The following GLI3 variants were observed in gnomAD, a reference collection of about 807,000 sequenced individuals.
GLI3 encodes the protein GLI family zinc finger 3, also known as transcription activator GLI3.
In GLI3, 20 loss-of-function variants were observed where a neutral mutation model predicts 100.8. That is an observed-to-expected ratio of 0.20 (90% CI 0.14 to 0.29). GLI3 has a LOEUF of 0.29. GLI3 is among the 10% of genes least tolerant of loss of function. The probability of loss-of-function intolerance (pLI) is 1.00; values close to 1 mark genes in which losing one functional copy is unlikely to be tolerated. For synonymous variants in GLI3, 938 were observed against 860.5 expected (o/e 1.09, Z -1.58); for missense variants, 2,040 against 2,128.5 (o/e 0.96, Z 0.82).
intron 3 of GLI3, among the ~76,000 whole-genome samples, chr7:42,089,897 T>C (rs1384703330): frequency 1.3e-5 from 2 of 152,156 alleles, no homozygotes; most frequent in Admixed American, 1.3e-4. Flanking sequence ...CTAAGAAATA[T>C]GTCTTTAGAT....
chr7:42,171,226 T>A (rs3801213), intron 2 of GLI3, among the ~76,000 whole-genome samples: 39 of 152,178 alleles, frequency 2.6e-4, no homozygotes, highest in Non-Finnish European at 4.6e-4. Context: ...TTTTCTATCA[T>A]ACAAGTCCAC....
At chr7:42,225,549 T>C (rs1258782078) in intron 1 of GLI3, among the ~76,000 whole-genome samples, 1 of 152,122 alleles carries the variant, frequency 6.6e-6, no homozygotes, top group Non-Finnish European at 1.5e-5. Context: ...TTACTAGAGA[T>C]GAGGTTTTGT....
chr7:42,164,883 T>G (rs570270430), intron 2 of GLI3, among the ~76,000 whole-genome samples: 11 of 139,042 alleles, frequency 7.9e-5, no homozygotes, highest in Non-Finnish European at 1.5e-4. Flanking sequence ...GGGTTTTGGT[T>G]TTTTTTTTTG....
rs1281362399 is a variant in GLI3, at chr7:41,962,893, A to AAGC, written c.*1434_*1436dup. 6 of 152,200 alleles carry AAGC rather than the reference A, an allele frequency of 3.9e-5. No homozygotes were observed. The highest frequency in any genetic ancestry group is 9.7e-5 in the African/African-American group (4 of 41,450). The allele number at this position is 152,200 out of a possible 1,614,324, so 9.4% of individuals were successfully genotyped here. A position where few individuals can be genotyped will look rare whatever the true frequency, so the allele number is the denominator to read the frequency against. ...TTTTAACAGTTTATATAATTTTTTAAAGCAATATGCTGGAAAATCCATGTA... is the reference window on the plus strand; with the variant it reads ...TTTTAACAGTTTATATAATTTTTTAAAGCAGCAATATGCTGGAAAATCCATGTA... On this transcript the variant is annotated 3_prime_UTR_variant, in exon 15 of 15. Coordinates refer to ENST00000395925, the MANE Select transcript of GLI3 (RefSeq NM_000168.6).
chr7:42,086,898 A>G (rs1216751313), intron 3 of GLI3, among the ~76,000 whole-genome samples: 1 of 152,154 alleles, frequency 6.6e-6, no homozygotes, highest in Non-Finnish European at 1.5e-5. Flanking sequence ...TACTGAATAC[A>G]GAGCTTATAC....
intron 3 of GLI3, among the ~76,000 whole-genome samples, chr7:42,100,422 T>C (rs917212548): frequency 6.6e-6 from 1 of 152,136 alleles, no homozygotes; most frequent in African/African-American, 2.4e-5. Context: ...CCTAAATCAA[T>C]ACTCCTAGTG....
chr7:41,983,672 G>A (rs1256579408), intron 10 of GLI3, among the ~76,000 whole-genome samples: 1 of 152,138 alleles, frequency 6.6e-6, no homozygotes, highest in African/African-American at 2.4e-5. Flanking sequence ...GAGTCAGAAA[G>A]AGATAGATGG....
chr7:42,091,332 C>T (rs1276997136), intron 3 of GLI3, among the ~76,000 whole-genome samples: 21 of 152,334 alleles, frequency 1.4e-4, no homozygotes, highest in Non-Finnish European at 8.8e-5. Context: ...TGCCCAGGTA[C>T]AGGTCCCCTA....
intron 10 of GLI3, among the ~76,000 whole-genome samples, chr7:42,018,548 G>A (rs956536821): frequency 3.3e-5 from 5 of 152,106 alleles, no homozygotes; most frequent in Admixed American, 6.5e-5. Context: ...TCTTCCTTGC[G>A]TTTCTACAGA....
At chr7:42,240,900 C>G (rs929414), upstream of GLI3, among the ~76,000 whole-genome samples, 62,603 of 152,000 alleles carry the variant, frequency 0.41, 13,455 homozygotes, top group East Asian at 0.7. Flanking sequence ...TACCATGGGC[C>G]GATGTTATAC....
At chr7:42,237,995 CCGCCGCCGCCT>C, upstream of GLI3, 1 of 162,124 alleles carries the variant, frequency 6.2e-6, no homozygotes, top group African/African-American at 2.6e-5. Flanking sequence ...GCCGCCGCCG[CCGCCGCCGCCT>C]CCTCCTCCTC....
At chr7:41,978,822 C>A in intron 10 of GLI3, 74 bp from the exon 11 acceptor site, 1 of 1,284,062 alleles carries the variant, frequency 7.8e-7, no homozygotes, top group South Asian at 1.2e-5. Flanking sequence ...GAAGAAAATG[C>A]AGAAAATACC....
chr7:42,106,473 C>T (rs927433107), intron 3 of GLI3, among the ~76,000 whole-genome samples: 2 of 152,224 alleles, frequency 1.3e-5, no homozygotes, highest in African/African-American at 4.8e-5. Flanking sequence ...CGGGCTCCTG[C>T]CAAGGCATCT....
intron 10 of GLI3, among the ~76,000 whole-genome samples, chr7:42,000,349 A>C (rs1050832465): frequency 2.6e-5 from 4 of 152,234 alleles, no homozygotes; most frequent in African/African-American, 9.6e-5. Flanking sequence ...AAAGCTCTAG[A>C]AACAATGTAA....
At chr7:42,182,121 T>C (rs921429633) in intron 2 of GLI3, among the ~76,000 whole-genome samples, 9 of 152,176 alleles carry the variant, frequency 5.9e-5, no homozygotes, top group Non-Finnish European at 1.0e-4. Flanking sequence ...AGCAGCACTG[T>C]CCAATAGCAC....
At chr7:42,183,406 TG>T (rs1231764718) in intron 2 of GLI3, among the ~76,000 whole-genome samples, 1 of 152,008 alleles carries the variant, frequency 6.6e-6, no homozygotes, top group Non-Finnish European at 1.5e-5. Context: ...GTTATTTGGG[TG>T]GGGGGCAAAT....
At chr7:42,022,474 G>C (rs1474262929) in intron 10 of GLI3, among the ~76,000 whole-genome samples, 2 of 152,144 alleles carry the variant, frequency 1.3e-5, no homozygotes, top group East Asian at 3.8e-4. Flanking sequence ...TACCACGAAA[G>C]AGAAAGTGGA....
intron 10 of GLI3, among the ~76,000 whole-genome samples, chr7:41,982,928 C>G (rs1347495977): frequency 6.6e-6 from 1 of 152,146 alleles, no homozygotes; most frequent in East Asian, 1.9e-4. Flanking sequence ...CAAACATTTT[C>G]TGTAAAAGCT....
At chr7:42,246,794 G>T (rs1260269839) in intron 1 of GLI3, among the ~76,000 whole-genome samples, 1 of 129,514 alleles carries the variant, frequency 7.7e-6, no homozygotes, top group Non-Finnish European at 1.6e-5. Context: ...AGGCTCATTG[G>T]ATGATAGAAT....
Sources: allele counts gnomAD v4.1 joint callset (sites outside exome capture counted in the v4.1 genomes callset), GRCh38; gene constraint gnomAD v4.1.1; transcripts MANE v1.5; gene names NCBI Gene and HGNC (gene_info 2026-07-23, HGNC 2026-07-21).